Variants in GPHN observed in about 807,000 individuals in gnomAD.
GPHN encodes gephyrin.
GPHN carries 17 observed loss-of-function variants against 95.5 expected under a neutral mutation model. The observed-to-expected ratio is 0.18, with a 90% confidence interval of 0.12 to 0.27. GPHN has a LOEUF of 0.27. Among genes scored for constraint, GPHN ranks in the 10% least tolerant of loss-of-function variants. GPHN has a pLI of 1.00. For synonymous variants in GPHN, 320 were observed against 322.5 expected, an observed-to-expected ratio of 0.99 and a Z score of 0.08; for missense variants, 660 against 978.1, an observed-to-expected ratio of 0.67 and a Z score of 4.34.
chr14:67,411,041 G>A, the GPHN span, among the ~76,000 whole-genome samples: 13 of 151,630 alleles, frequency 8.6e-5, no homozygotes, highest in East Asian at 2.3e-3. Flanking sequence ...CAGCTACTAG[G>A]GAAGCTGAGG....
the GPHN span, among the ~76,000 whole-genome samples, chr14:67,444,127 G>C: frequency 6.6e-6 from 1 of 152,160 alleles, no homozygotes; most frequent in Non-Finnish European, 1.5e-5. Context: ...TTTCCGGACT[G>C]AAATAATGTA....
the GPHN span, among the ~76,000 whole-genome samples, chr14:67,192,178 G>A: frequency 0.66 from 100,469 of 152,094 alleles, 38,302 homozygotes; most frequent in Non-Finnish European, 0.88. Flanking sequence ...GACATTGAAT[G>A]GGCCTAGCAA....
chr14:67,102,687 A>T (rs1211146589), intron 13 of GPHN, among the ~76,000 whole-genome samples: 2 of 152,156 alleles, frequency 1.3e-5, no homozygotes, highest in African/African-American at 4.8e-5. Context: ...AAATAAATAA[A>T]AGTGGCAAGA....
chr14:66,771,578 A>ATT (rs534397513), intron 2 of GPHN, among the ~76,000 whole-genome samples: 16 of 151,842 alleles, frequency 1.1e-4, no homozygotes, highest in Admixed American at 1.1e-3. Context: ...CAAAATTGCA[A>ATT]TTTTTTTTTA....
intron 2 of GPHN, among the ~76,000 whole-genome samples, chr14:66,759,987 T>C (rs1307986333): frequency 1.3e-5 from 2 of 152,206 alleles, no homozygotes; most frequent in Non-Finnish European, 2.9e-5. Flanking sequence ...TCTGTTTAAA[T>C]TATTGCTTTC....
In GPHN at chr14:67,026,545, C is replaced by T. The variant is rs1190576212; in HGVS notation, c.1006+2870C>T. On this transcript the variant is annotated intron_variant, in intron 10 of 22. Coordinates refer to ENST00000478722, the MANE Select transcript of GPHN (RefSeq NM_020806.5). ...TAAATAGATAAGGAAATTAAAGATT[C>T]CAGAGTTAAATAAGTTGCTTGTGTA... Among the ~76,000 whole-genome samples, 6 of 152,234 alleles carry T rather than the reference C, an allele frequency of 3.9e-5. No individual in the cohort carries two copies. The South Asian group carries it at 6.2e-4, about 16-fold the overall frequency.
At chr14:66,774,941 T>C (rs1025232176) in intron 2 of GPHN, among the ~76,000 whole-genome samples, 1 of 152,236 alleles carries the variant, frequency 6.6e-6, no homozygotes, top group African/African-American at 2.4e-5. Context: ...TCTGCTCAGA[T>C]ACTACACCTT....
At chr14:66,706,970 C>T (rs550076158) in intron 2 of GPHN, among the ~76,000 whole-genome samples, 1 of 150,690 alleles carries the variant, frequency 6.6e-6, no homozygotes, top group South Asian at 2.1e-4. Flanking sequence ...TTACCAGAAA[C>T]ATACAACCCC....
At chr14:66,784,843 A>G (rs1033106323) in intron 3 of GPHN, among the ~76,000 whole-genome samples, 3 of 152,228 alleles carry the variant, frequency 2.0e-5, no homozygotes, top group African/African-American at 4.8e-5. Context: ...CAGAAAATAG[A>G]TAATAAAATG....
At chr14:67,722,663 G>A in the GPHN span, 3 of 1,613,924 alleles carry the variant, frequency 1.9e-6, no homozygotes, top group Middle Eastern at 1.7e-4. Context: ...CCTTGGGACT[G>A]CTCACCTCCT....
intron 16 of GPHN, among the ~76,000 whole-genome samples, chr14:67,118,058 G>A (rs528295212): frequency 1.3e-5 from 2 of 152,244 alleles, no homozygotes; most frequent in South Asian, 4.2e-4. Flanking sequence ...ACATCACCTT[G>A]ACAATGTTGG....
chr14:67,178,117 G>A (rs1047857101), intron 21 of GPHN, among the ~76,000 whole-genome samples: 1 of 152,100 alleles, frequency 6.6e-6, no homozygotes, highest in Non-Finnish European at 1.5e-5. Flanking sequence ...ATGCTAGCTG[G>A]TTATTTTGCC....
intron 17 of GPHN, among the ~76,000 whole-genome samples, chr14:67,127,204 GTAAC>G (rs2079379159): frequency 6.6e-6 from 1 of 151,402 alleles, no homozygotes; most frequent in African/African-American, 2.4e-5. Flanking sequence ...GTATACATAT[GTAAC>G]TAACCTGCAC....
At chr14:67,628,051 G>A in the GPHN span, among the ~76,000 whole-genome samples, 22 of 152,296 alleles carry the variant, frequency 1.4e-4, no homozygotes, top group South Asian at 1.9e-3. Flanking sequence ...CTGTGCCACA[G>A]TGCCCTTGGG....
At chr14:67,357,752 G>A in the GPHN span, among the ~76,000 whole-genome samples, 3 of 152,162 alleles carry the variant, frequency 2.0e-5, no homozygotes, top group Admixed American at 6.5e-5. Flanking sequence ...GTAAGGGAGT[G>A]GCAGGGAGCC....
chr14:67,108,712 G>GGGGGGT (rs5809330), intron 13 of GPHN, among the ~76,000 whole-genome samples: 1 of 131,142 alleles, frequency 7.6e-6, no homozygotes, highest in African/African-American at 2.9e-5. Flanking sequence ...TTCCCTAAGG[G>GGGGGGT]GTGTGTGTGT....
intron 1 of GPHN, among the ~76,000 whole-genome samples, chr14:66,603,758 A>G (rs924218552): frequency 6.6e-6 from 1 of 152,028 alleles, no homozygotes; most frequent in Non-Finnish European, 1.5e-5. Context: ...TGTCACAAAC[A>G]AAATTTTTAA....
chr14:67,426,989 C>T, the GPHN span, among the ~76,000 whole-genome samples: 18 of 152,170 alleles, frequency 1.2e-4, no homozygotes, highest in Admixed American at 1.0e-3. Context: ...CAGGACTCTT[C>T]CCTCTGCCCA....
intron 1 of GPHN, among the ~76,000 whole-genome samples, chr14:66,635,223 C>T (rs1287458233): frequency 2.0e-5 from 3 of 152,108 alleles, no homozygotes; most frequent in Non-Finnish European, 4.4e-5. Flanking sequence ...TTTCTTAAGA[C>T]AAATCCTTAG....
Sources: gnomAD v4.1 joint callset for allele counts (sites outside exome capture counted in the v4.1 genomes callset) on GRCh38, gnomAD v4.1.1 for gene constraint, MANE v1.5 for transcripts, NCBI Gene and HGNC (gene_info 2026-07-23, HGNC 2026-07-21) for gene names.